Variants in CTSC observed in about 807,000 individuals in gnomAD.
CTSC encodes dipeptidyl peptidase 1.
Under a neutral mutation model 40.9 loss-of-function variants are expected in CTSC, and 37 were observed. That is an observed-to-expected ratio of 0.91 (90% CI 0.70 to 1.19). CTSC has a LOEUF of 1.19. Among genes scored for constraint, CTSC ranks in the 50% most tolerant of loss-of-function variants. The pLI, the probability that CTSC is intolerant of heterozygous loss-of-function variation, is 0.00. For missense variants in CTSC, 594 were observed against 567.3 expected (o/e 1.05, Z -0.48); for synonymous variants, 232 against 207.4 (o/e 1.12, Z -1.02).
intron 4 of CTSC, among the ~76,000 whole-genome samples, chr11:88,302,642 AAAAAAAAAAG>A (rs1283839580): frequency 6.6e-6 from 1 of 150,958 alleles, no homozygotes; most frequent in African/African-American, 2.4e-5. Context: ...AAAAAAAAAA[AAAAAAAAAAG>A]AATACATGAC....
intron 2 of CTSC, chr11:88,320,777 T>A (rs1025574739): frequency 9.4e-6 from 9 of 958,124 alleles, no homozygotes; most frequent in African/African-American, 3.5e-5. Flanking sequence ...AGGTAACACT[T>A]CAAAGAACAC....
In CTSC at chr11:88,294,527, C is replaced by T; in HGVS notation, c.890-19G>A. On this transcript the variant is annotated intron_variant, in intron 6 of 6. Transcript: ENST00000227266. Reference sequence around the variant, plus strand: ...TCACAGCCTGAAGATGAATAACACACATGGTTACCCCTTAGTAGAAAAAGG... The same window carrying T: ...TCACAGCCTGAAGATGAATAACACATATGGTTACCCCTTAGTAGAAAAAGG... 6.2e-7 allele frequency: 1 copy of T among 1,613,902 alleles called. No homozygotes were observed. The highest frequency in any genetic ancestry group is 8.5e-7 in the Non-Finnish European group (1 of 1,179,836).
intron 6 of CTSC, among the ~76,000 whole-genome samples, chr11:88,295,197 A>G (rs2134764630): frequency 6.6e-6 from 1 of 152,356 alleles, no homozygotes; most frequent in Admixed American, 6.5e-5. Flanking sequence ...TATTTTAGAA[A>G]GAATGAAAGG....
At chr11:88,334,237 G>A (rs745834327) in intron 2 of CTSC, among the ~76,000 whole-genome samples, 12 of 152,164 alleles carry the variant, frequency 7.9e-5, no homozygotes, top group Non-Finnish European at 1.8e-4. Flanking sequence ...TAGCTTACAA[G>A]AAAAGTTCCA....
At chr11:88,324,768 G>A (rs891596175) in intron 2 of CTSC, 7 of 985,374 alleles carry the variant, frequency 7.1e-6, no homozygotes, top group Middle Eastern at 5.2e-4. Flanking sequence ...GAGAGAGCTG[G>A]GGAGGGTTTC....
intron 4 of CTSC, among the ~76,000 whole-genome samples, chr11:88,304,708 G>A (rs1249227833): frequency 6.6e-6 from 1 of 152,190 alleles, no homozygotes. Flanking sequence ...CTGCAGTAAA[G>A]AAGCCAGCTA....
chr11:88,327,930 T>C lies in CTSC; in HGVS notation c.318+7007A>G, dbSNP rs137972554. The C allele has an allele frequency of 1.3e-3, 842 of 624,724 alleles. 6 individuals are homozygous for C. In the African/African-American group the frequency reaches 0.014, roughly 10 times the overall value. The allele number at this position is 624,724 out of a possible 1,614,324, so 38.7% of individuals were successfully genotyped here. The stretch of plus-strand genomic sequence containing the variant: ...ATAATAAAGTAGAAAATTACTCACA[T>C]AAAATAGTGCAGACAACTTAGAAAC... On this transcript the variant is annotated intron_variant, in intron 2 of 6. Coordinates refer to ENST00000227266, the MANE Select transcript of CTSC (RefSeq NM_001814.6).
chr11:88,294,505 C>T lies in CTSC; in HGVS notation c.893G>A (p.Cys298Tyr), dbSNP rs1450551456. The T allele has an allele frequency of 8.7e-6, 14 of 1,614,132 alleles. No homozygotes were observed. The highest frequency in any genetic ancestry group is 1.1e-5 in the Non-Finnish European group (13 of 1,180,008). Residue 298 changes from cysteine to tyrosine, a missense_variant, in exon 7 of 7, where the codon TGT (cysteine) becomes TAT (tyrosine). By Grantham distance (194) the Cys-to-Tyr change is radical. Coordinates refer to ENST00000227266, the MANE Select transcript of CTSC (RefSeq NM_001814.6). ...VVSCSQYAQGCEGGFPYLIAG... is the reference protein window; with the variant it reads ...VVSCSQYAQGYEGGFPYLIAG... ...AATAAGGTATGGGAAGCCGCCTTCACAGCCTGAAGATGAATAACACACATG... is the reference window on the plus strand; with the variant it reads ...AATAAGGTATGGGAAGCCGCCTTCATAGCCTGAAGATGAATAACACACATG...
rs148470667 is a variant in CTSC, at chr11:88,305,871, C to G, written c.641+3292G>C. On this transcript the variant is annotated intron_variant, in intron 4 of 6. Coordinates refer to ENST00000227266, the MANE Select transcript of CTSC (RefSeq NM_001814.6). ...GTCCTCAGAAACATAGCATATGACA[C>G]TTGGTAAAGCAGCTGTGACTGAGGC... Among the ~76,000 whole-genome samples, 545 of 152,266 alleles carry G rather than the reference C, an allele frequency of 3.6e-3. 1 individual carries two copies. Among genetic ancestry groups the G allele is most frequent in the African/African-American group, 0.013 (527 of 41,568 alleles).
intron 2 of CTSC, chr11:88,328,233 G>T: frequency 6.9e-7 from 1 of 1,439,050 alleles, no homozygotes; most frequent in Non-Finnish European, 9.8e-7. Context: ...GAGTCATTAT[G>T]TTGAGATTAA....
At chr11:88,320,835 T>C (rs1937988353) in intron 2 of CTSC, 1 of 861,818 alleles carries the variant, frequency 1.2e-6, no homozygotes. Context: ...TTCTTTATTT[T>C]ACAAGTATTT....
intron 4 of CTSC, among the ~76,000 whole-genome samples, chr11:88,308,416 T>A (rs945261115): frequency 5.9e-5 from 9 of 152,220 alleles, no homozygotes; most frequent in African/African-American, 2.2e-4. Flanking sequence ...TATTGTAGAA[T>A]CTAAGACTGG....
At chr11:88,314,223 C>T (rs768573999) in intron 2 of CTSC, among the ~76,000 whole-genome samples, 1 of 152,162 alleles carries the variant, frequency 6.6e-6, no homozygotes, top group South Asian at 2.1e-4. Context: ...AAAGGGAATA[C>T]ATAAATGAAT....
At chr11:88,322,850 G>A (rs970541755) in intron 2 of CTSC, 1 of 152,176 alleles carries the variant, frequency 6.6e-6, no homozygotes, top group African/African-American at 2.4e-5. Context: ...ACAAAGAGGA[G>A]CTGATACCCT....
rs2134762240 is a variant in CTSC, at chr11:88,293,759, C to A, written c.*247G>T. 1.9e-6 allele frequency: 1 copy of A among 538,466 alleles called. No individual in the cohort carries two copies. The highest frequency in any genetic ancestry group is 2.3e-5 in the South Asian group (1 of 44,412). 33.4% of individuals were successfully genotyped at this position (538,466 alleles called of 1,614,324 possible). ...TTTGAATTACAAATGATTAAGCAAA[C>A]TCTATTACTTCATAGCTGACCATCT... On this transcript the variant is annotated 3_prime_UTR_variant, in exon 7 of 7. Coordinates refer to ENST00000227266, the MANE Select transcript of CTSC (RefSeq NM_001814.6).
chr11:88,295,456 T>A (rs1384493585), intron 6 of CTSC, among the ~76,000 whole-genome samples: 2 of 151,934 alleles, frequency 1.3e-5, no homozygotes, highest in Non-Finnish European at 2.9e-5. Context: ...ATCGGCTCAC[T>A]GCAGCCTTGA....
intron 2 of CTSC, chr11:88,322,726 T>G (rs184023169): frequency 1.3e-5 from 2 of 152,194 alleles, no homozygotes; most frequent in Non-Finnish European, 1.5e-5. Context: ...CAGGAAGAAG[T>G]TGGATCCCTG....
intron 2 of CTSC, among the ~76,000 whole-genome samples, chr11:88,313,361 A>G (rs891569099): frequency 6.6e-6 from 1 of 152,140 alleles, no homozygotes; most frequent in African/African-American, 2.4e-5. Flanking sequence ...AGCCACAGTG[A>G]AACAGAATCC....
chr11:88,310,868 T>C (rs968849027), intron 3 of CTSC, among the ~76,000 whole-genome samples: 1 of 141,694 alleles, frequency 7.1e-6, no homozygotes, highest in African/African-American at 2.7e-5. Flanking sequence ...AATATTTCAT[T>C]GACTGTAGAT....
Sources: allele counts gnomAD v4.1 joint callset (sites outside exome capture counted in the v4.1 genomes callset), GRCh38; gene constraint gnomAD v4.1.1; transcripts MANE v1.5; gene names NCBI Gene and HGNC (gene_info 2026-07-23, HGNC 2026-07-21).